ST3GAL5: variants seen among roughly 807,000 people sequenced by gnomAD.
The protein encoded by ST3GAL5 is ST3 beta-galactoside alpha-2,3-sialyltransferase 5.
A neutral mutation model predicts 46.1 loss-of-function variants in ST3GAL5; 25 were observed. The observed-to-expected ratio is 0.54, with a 90% confidence interval of 0.40 to 0.76. ST3GAL5 has a LOEUF of 0.76. Among genes scored for constraint, ST3GAL5 ranks in the 30% least tolerant of loss-of-function variants. The probability of loss-of-function intolerance (pLI) is 0.00; values close to 1 mark genes in which losing one functional copy is unlikely to be tolerated. For missense variants in ST3GAL5, 431 were observed against 521.2 expected (o/e 0.83, Z 1.69); for synonymous variants, 182 against 192.7 (o/e 0.94, Z 0.46).
At chr2:85,852,271 G>A (rs1254075005) in intron 3 of ST3GAL5, among the ~76,000 whole-genome samples, 1 of 152,198 alleles carries the variant, frequency 6.6e-6, no homozygotes, top group African/African-American at 2.4e-5. Flanking sequence ...CATGGATCAC[G>A]TGATCTGGGG....
intron 6 of ST3GAL5, chr2:85,840,619 C>T: frequency 1.7e-6 from 1 of 572,442 alleles, no homozygotes; most frequent in Non-Finnish European, 3.1e-6. Flanking sequence ...TTTCAAGGGG[C>T]AGCCTGACAA....
Position 85,888,857 on chromosome 2 carries a change from G to A in ST3GAL5, c.49C>T (p.Arg17Trp). The change falls in exon 1 of 7, where the codon CGG becomes TGG. Residue 17 changes from arginine (R) to tryptophan (W), a missense_variant. By Grantham distance (101) the Arg-to-Trp change is moderately radical. Transcript: ENST00000638572. ...GCAGGTGCCGCCGCTGCCTCGGTCC[G>A]CGGCTGCAGGGGACGCCGCTCCGCG... Reference protein sequence around the residue: ...GCAERRPLQPRTEAAAAPAGR... With the variant: ...GCAERRPLQPWTEAAAAPAGR... 2 of 1,347,948 alleles carry A rather than the reference G, an allele frequency of 1.5e-6. No individual in the cohort carries two copies. Among genetic ancestry groups the A allele is most frequent in the Non-Finnish European group, 1.9e-6 (2 of 1,043,304 alleles). 83.5% of individuals were successfully genotyped at this position (1,347,948 alleles called of 1,614,324 possible). A position where few individuals can be genotyped will look rare whatever the true frequency, so the allele number is the denominator to read the frequency against.
chr2:85,871,338 G>C (rs1558693395), intron 1 of ST3GAL5, among the ~76,000 whole-genome samples: 2 of 152,074 alleles, frequency 1.3e-5, no homozygotes, highest in East Asian at 3.8e-4. Flanking sequence ...TTTACTATAG[G>C]CACCCTACTA....
At position 85,840,525 on chromosome 2, in the gene ST3GAL5, T is replaced by G. The variant is rs540241575; in HGVS notation, c.1009-133A>C. ...CTGCAATTTCATACATCACATAATT[T>G]TATACATCATGAACTTTAGAGTCCA... On this transcript the variant is annotated intron_variant, in intron 6 of 6. Coordinates refer to ENST00000638572, the MANE Select transcript of ST3GAL5 (RefSeq NM_003896.4). 108 of 933,244 alleles carry G rather than the reference T, an allele frequency of 1.2e-4. 1 individual carries two copies. In the South Asian group the frequency reaches 1.5e-3, roughly 13 times the overall value. 57.8% of individuals were successfully genotyped at this position (933,244 alleles called of 1,614,324 possible).
chr2:85,880,777 T>C, intron 1 of ST3GAL5: 1 of 462,992 alleles, frequency 2.2e-6, no homozygotes, highest in Non-Finnish European at 4.2e-6. Flanking sequence ...TGAGCCAAGA[T>C]GGTGCCACTG....
chr2:85,861,366 G>T, intron 2 of ST3GAL5, 74 bp from the exon 3 acceptor site: 1 of 998,688 alleles, frequency 1.0e-6, no homozygotes. Flanking sequence ...ACTGAAAACG[G>T]AATCCTAAAT....
intron 1 of ST3GAL5, 28 bp from the exon 2 acceptor site, chr2:85,863,513 G>C: frequency 6.2e-7 from 1 of 1,613,260 alleles, no homozygotes; most frequent in African/African-American, 1.3e-5. Context: ...GAGGGCAGTG[G>C]GGAAAAAGAG....
At chr2:85,867,877 G>A in intron 1 of ST3GAL5, 1 of 586,560 alleles carries the variant, frequency 1.7e-6, no homozygotes, top group South Asian at 1.7e-5. Context: ...GGGTTAGTCA[G>A]AAGTCAACAT....
intron 3 of ST3GAL5, chr2:85,854,433 G>A (rs756942066): frequency 3.9e-5 from 6 of 152,260 alleles, no homozygotes; most frequent in Non-Finnish European, 7.3e-5. Context: ...CATGAGCTTA[G>A]GTCTAAAAAT....
chr2:85,848,212 G>T lies in ST3GAL5; in HGVS notation c.319-8C>A, dbSNP rs553252258. 18 of 1,614,086 alleles carry T rather than the reference G, an allele frequency of 1.1e-5. No individual in the cohort carries two copies. In the African/African-American group the frequency reaches 2.3e-4, roughly 20 times the overall value. On this transcript the variant is annotated splice_region_variant and splice_polypyrimidine_tract_variant and intron_variant, in intron 3 of 6. Transcript: ENST00000638572. The stretch of plus-strand genomic sequence containing the variant: ...AGCATATTTCTGAGCTCTCTGGAAT[G>T]AAATCACACCAATCTGGGTTTTAAA...
chr2:85,844,349 C>T lies in ST3GAL5; in HGVS notation c.1008+47G>A, dbSNP rs370010605. 64 of 1,612,660 alleles carry T rather than the reference C, an allele frequency of 4.0e-5. No individual in the cohort carries two copies. The Admixed American group carries it at 7.5e-4, about 19-fold the overall frequency. On this transcript the variant is annotated intron_variant, in intron 6 of 6. Coordinates refer to ENST00000638572, the MANE Select transcript of ST3GAL5 (RefSeq NM_003896.4). The stretch of plus-strand genomic sequence containing the variant: ...GAGCCAAAGTGAAATTTGTACACAT[C>T]GCCCCTCAAACAGGGAATGATTAAC...
chr2:85,845,677 C>T (rs1285473011), intron 5 of ST3GAL5: 1 of 151,198 alleles, frequency 6.6e-6, no homozygotes, highest in African/African-American at 2.4e-5. Flanking sequence ...AGGAAAAATA[C>T]TCCCACTGTA....
At chr2:85,855,963 C>A (rs76981611) in intron 3 of ST3GAL5, 1 of 152,044 alleles carries the variant, frequency 6.6e-6, no homozygotes, top group Non-Finnish European at 1.5e-5. Flanking sequence ...GATAAAGATG[C>A]GGAGAAACTG....
chr2:85,867,992 ACTT>A, intron 1 of ST3GAL5: 1 of 277,076 alleles, frequency 3.6e-6, no homozygotes. Context: ...AGCAGGCATT[ACTT>A]CTTCTGATTT....
intron 1 of ST3GAL5, among the ~76,000 whole-genome samples, chr2:85,885,012 T>C (rs1055412866): frequency 1.3e-5 from 2 of 152,244 alleles, no homozygotes; most frequent in African/African-American, 4.8e-5. Flanking sequence ...AAAGAATTCA[T>C]GGGTACAGGA....
At chr2:85,862,652 C>T (rs1263118920) in intron 2 of ST3GAL5, among the ~76,000 whole-genome samples, 1 of 152,312 alleles carries the variant, frequency 6.6e-6, no homozygotes, top group African/African-American at 2.4e-5. Context: ...GTGGCTGGCG[C>T]CCAGCATGAC....
chr2:85,862,581 G>A (rs1261716680), intron 2 of ST3GAL5, among the ~76,000 whole-genome samples: 3 of 152,272 alleles, frequency 2.0e-5, no homozygotes, highest in South Asian at 2.1e-4. Flanking sequence ...TTCCTGGAGC[G>A]AGTCCACCTC....
At chr2:85,840,476 G>C (rs752559332) in intron 6 of ST3GAL5, 84 bp from the exon 7 acceptor site, 16 of 1,483,110 alleles carry the variant, frequency 1.1e-5, no homozygotes, top group Non-Finnish European at 1.5e-5. Flanking sequence ...ATGCTACGCA[G>C]AGTCATGAAA....
chr2:85,860,015 T>C (rs1173198182), intron 3 of ST3GAL5, among the ~76,000 whole-genome samples: 1 of 152,176 alleles, frequency 6.6e-6, no homozygotes, highest in African/African-American at 2.4e-5. Flanking sequence ...ACCACACCAC[T>C]GAATTCAAGC....
Sources: allele counts gnomAD v4.1 joint callset (sites outside exome capture counted in the v4.1 genomes callset), GRCh38; gene constraint gnomAD v4.1.1; transcripts MANE v1.5; gene names NCBI Gene and HGNC (gene_info 2026-07-23, HGNC 2026-07-21).